ZNF75D: variants seen among roughly 807,000 people sequenced by gnomAD.
The protein encoded by ZNF75D is zinc finger protein 75D, also known as zinc finger protein 75.
Under a neutral mutation model 33.3 loss-of-function variants are expected in ZNF75D, and 33 were observed. The observed-to-expected ratio is 0.99, with a 90% CI of 0.75 to 1.32. The LOEUF (loss-of-function observed/expected upper bound fraction) is 1.32, where lower values mean the gene tolerates loss of function less well. Among genes scored for constraint, ZNF75D ranks in the 40% most tolerant of loss-of-function variants. ZNF75D has a pLI of 0.00. For synonymous variants in ZNF75D, 113 were observed against 130.6 expected, an observed-to-expected ratio of 0.87 and a Z score of 0.92; for missense variants, 338 against 367.5, an observed-to-expected ratio of 0.92 and a Z score of 0.66.
At chrX:135,294,857 C>T (rs921088821) in intron 2 of ZNF75D, among the ~76,000 whole-genome samples, 1 of 111,444 alleles carries the variant, frequency 9.0e-6, no homozygotes, top group Non-Finnish European at 1.9e-5. Context: ...AAATGCCCTC[C>T]CGCTAAGCAA....
At chrX:135,333,568 T>C (rs2084676265) in intron 1 of ZNF75D, among the ~76,000 whole-genome samples, 1 of 112,060 alleles carries the variant, frequency 8.9e-6, no homozygotes, top group South Asian at 3.7e-4. Flanking sequence ...AAAGTCCCAT[T>C]AGCCCTTATA....
At chrX:135,330,987 A>G (rs1368033808) in intron 1 of ZNF75D, among the ~76,000 whole-genome samples, 1 of 111,528 alleles carries the variant, frequency 9.0e-6, no homozygotes, top group Non-Finnish European at 1.9e-5. Context: ...TCCTCTCCCT[A>G]ACGATTTTGA....
At chrX:135,323,064 G>A (rs2084517200) in intron 1 of ZNF75D, among the ~76,000 whole-genome samples, 1 of 112,158 alleles carries the variant, frequency 8.9e-6, no homozygotes, top group Non-Finnish European at 1.9e-5. Context: ...TTGTTTTTCT[G>A]TTGTATATAG....
intron 1 of ZNF75D, among the ~76,000 whole-genome samples, chrX:135,256,137 G>A (rs1335164260): frequency 5.1e-5 from 2 of 39,597 alleles, no homozygotes; most frequent in East Asian, 7.7e-4. Flanking sequence ...AGATTTTAAC[G>A]ACTATCTGCA....
chrX:135,291,579 A>G lies in ZNF75D; in HGVS notation c.605-16T>C. 8.3e-7 allele frequency: 1 copy of G among 1,203,794 alleles called. No individual in the cohort carries two copies. Among genetic ancestry groups the G allele is most frequent in the Non-Finnish European group, 1.1e-6 (1 of 891,244 alleles). ...TCATGCACAGCTGTGGGTAGAAAAT[A>G]GCCAGGGAAAATTTCTGTTTCCTAT... On this transcript the variant is annotated splice_polypyrimidine_tract_variant and intron_variant, in intron 4 of 6. Coordinates refer to ENST00000370766, the MANE Select transcript of ZNF75D (RefSeq NM_007131.5).
At chrX:135,306,542 T>A (rs1556425826) in intron 1 of ZNF75D, among the ~76,000 whole-genome samples, 1 of 111,981 alleles carries the variant, frequency 8.9e-6, no homozygotes, top group East Asian at 2.8e-4. Flanking sequence ...ATCCTTCGCA[T>A]TTTTTCCAGT....
chrX:135,334,486 C>T (rs782443721), intron 1 of ZNF75D, among the ~76,000 whole-genome samples: 1 of 112,295 alleles, frequency 8.9e-6, no homozygotes, highest in Admixed American at 9.4e-5. Flanking sequence ...GATCCTTGAT[C>T]ATTCCCAAAG....
intron 1 of ZNF75D, among the ~76,000 whole-genome samples, chrX:135,304,289 A>G (rs1556425350): frequency 9.0e-6 from 1 of 111,242 alleles, no homozygotes; most frequent in African/African-American, 3.3e-5. Flanking sequence ...CTGGATGGGC[A>G]TAGGTGGGTG....
At chrX:135,329,132 G>T in intron 1 of ZNF75D, among the ~76,000 whole-genome samples, 1 of 112,146 alleles carries the variant, frequency 8.9e-6, no homozygotes, top group Non-Finnish European at 1.9e-5. Flanking sequence ...TCACTATGCT[G>T]TAAATTCTTC....
intron 1 of ZNF75D, among the ~76,000 whole-genome samples, chrX:135,299,463 CAT>C (rs2084182882): frequency 8.9e-6 from 1 of 111,804 alleles, no homozygotes; most frequent in Admixed American, 9.5e-5. Context: ...ATCCTTTGCT[CAT>C]TTTTAACTGT....
At chrX:135,330,425 G>A (rs2084637377) in intron 1 of ZNF75D, 1 of 112,052 alleles carries the variant, frequency 8.9e-6, no homozygotes, top group Admixed American at 9.5e-5. Flanking sequence ...TACCAGTCAC[G>A]GACAAAGGAC....
chrX:135,272,602 C>G (rs2083886944), intron 1 of ZNF75D, among the ~76,000 whole-genome samples: 1 of 110,336 alleles, frequency 9.1e-6, no homozygotes, highest in Non-Finnish European at 1.9e-5. Flanking sequence ...ATTAGATTTA[C>G]TTAAAAATTA....
chrX:135,312,466 G>A (rs782077924), intron 1 of ZNF75D, among the ~76,000 whole-genome samples: 17 of 112,067 alleles, frequency 1.5e-4, no homozygotes, highest in Admixed American at 5.7e-4. Flanking sequence ...TGCGAGTGCA[G>A]GTATCCCTTT....
At chrX:135,274,106 G>C (rs974237171) in intron 1 of ZNF75D, among the ~76,000 whole-genome samples, 3 of 111,639 alleles carry the variant, frequency 2.7e-5, no homozygotes, top group African/African-American at 9.8e-5. Flanking sequence ...AGGGTTCCAA[G>C]GTAAAAGCTA....
chrX:135,316,169 A>G (rs2084418368), intron 1 of ZNF75D, among the ~76,000 whole-genome samples: 1 of 110,112 alleles, frequency 9.1e-6, no homozygotes, highest in African/African-American at 3.3e-5. Context: ...TAGGTTTATG[A>G]CTCCCTTGAG....
intron 1 of ZNF75D, among the ~76,000 whole-genome samples, chrX:135,304,907 A>G (rs1556425475): frequency 8.9e-6 from 1 of 112,689 alleles, no homozygotes; most frequent in African/African-American, 3.2e-5. Context: ...AAGGTTGCTT[A>G]TGGCAATTGC....
chrX:135,289,137 G>A lies in ZNF75D; in HGVS notation c.824-1291C>T, dbSNP rs910429633. Among the ~76,000 whole-genome samples the A allele has an allele frequency of 9.3e-4, 105 of 112,345 alleles. 1 individual carries two copies. The highest frequency in any genetic ancestry group is 9.3e-3 in the Admixed American group (99 of 10,640). ...TATGTTACCATGGTGGATTTTCACCGTGCTATAGCCGTTTTCCTTTGGATT... is the reference window on the plus strand; with the variant it reads ...TATGTTACCATGGTGGATTTTCACCATGCTATAGCCGTTTTCCTTTGGATT... On this transcript the variant is annotated intron_variant, in intron 6 of 6. Transcript: ENST00000370766.
intron 1 of ZNF75D, among the ~76,000 whole-genome samples, chrX:135,336,303 G>A (rs1299952008): frequency 8.9e-6 from 1 of 112,340 alleles, no homozygotes; most frequent in Non-Finnish European, 1.9e-5. Flanking sequence ...CCAGAGCTGT[G>A]AGCAATAAAT....
intron 1 of ZNF75D, among the ~76,000 whole-genome samples, chrX:135,329,726 T>C (rs1034329544): frequency 2.7e-5 from 3 of 112,366 alleles, no homozygotes; most frequent in Non-Finnish European, 3.8e-5. Context: ...AAAGAAGATA[T>C]TGTATGCTCC....
Sources: gnomAD v4.1 joint callset for allele counts (sites outside exome capture counted in the v4.1 genomes callset) on GRCh38, gnomAD v4.1.1 for gene constraint, MANE v1.5 for transcripts, NCBI Gene and HGNC (gene_info 2026-07-23, HGNC 2026-07-21) for gene names.